PAMR1: variants seen among roughly 807,000 people sequenced by gnomAD.
PAMR1 encodes peptidase domain containing associated with muscle regeneration 1.
A neutral mutation model predicts 81.8 loss-of-function variants in PAMR1; 88 were observed. The observed-to-expected ratio is 1.08, with a 90% CI of 0.91 to 1.28. The LOEUF is 1.28. PAMR1 is among the 50% of genes most tolerant of loss of function. PAMR1 has a pLI of 0.00. For synonymous variants in PAMR1, 336 were observed against 345.3 expected (o/e 0.97, Z 0.30); for missense variants, 935 against 919.7 (o/e 1.02, Z -0.21).
chr11:35,465,244 C>T (rs1221974175), intron 6 of PAMR1, among the ~76,000 whole-genome samples: 3 of 152,138 alleles, frequency 2.0e-5, no homozygotes, highest in Non-Finnish European at 4.4e-5. Flanking sequence ...TTGCCCTCAT[C>T]AGATTTGGCA....
intron 10 of PAMR1, 42 bp from the exon 11 acceptor site, chr11:35,432,934 T>G: frequency 6.6e-7 from 1 of 1,506,340 alleles, no homozygotes; most frequent in Non-Finnish European, 8.9e-7. Context: ...AGGAGCCAGC[T>G]CCACAGTGGA....
At chr11:35,439,751 T>C (rs1374808507) in intron 7 of PAMR1, 58 bp from the exon 8 acceptor site, 1 of 1,454,980 alleles carries the variant, frequency 6.9e-7, no homozygotes, top group East Asian at 2.3e-5. Flanking sequence ...GTTCATATCA[T>C]TCAGTTCAGA....
chr11:35,447,742 G>A (rs1856328059), intron 6 of PAMR1, among the ~76,000 whole-genome samples: 1 of 152,114 alleles, frequency 6.6e-6, no homozygotes, highest in Non-Finnish European at 1.5e-5. Flanking sequence ...ATAGTGCCTT[G>A]GTCTGTCTAC....
chr11:35,447,149 C>A (rs1368310251), intron 6 of PAMR1, among the ~76,000 whole-genome samples: 2 of 151,530 alleles, frequency 1.3e-5, no homozygotes, highest in Middle Eastern at 3.2e-3. Context: ...ACTAGCATTG[C>A]AGCCCCTGCT....
At chr11:35,486,371 T>A (rs540368481) in intron 3 of PAMR1, among the ~76,000 whole-genome samples, 5 of 152,290 alleles carry the variant, frequency 3.3e-5, no homozygotes, top group Admixed American at 1.3e-4. Flanking sequence ...TTTTTAACTT[T>A]AAAAAAAATC....
intron 1 of PAMR1, among the ~76,000 whole-genome samples, chr11:35,500,948 G>A (rs1850823872): frequency 6.6e-6 from 1 of 152,112 alleles, no homozygotes; most frequent in African/African-American, 2.4e-5. Context: ...TGCAGGACTG[G>A]AAATTGCTCT....
chr11:35,464,912 T>C (rs1193187684), intron 6 of PAMR1, among the ~76,000 whole-genome samples: 1 of 152,206 alleles, frequency 6.6e-6, no homozygotes. Context: ...CAAGAGTCTG[T>C]ACATCGGAAT....
At chr11:35,436,639 TTC>T (rs1005205867) in intron 8 of PAMR1, among the ~76,000 whole-genome samples, 39 of 135,938 alleles carry the variant, frequency 2.9e-4, no homozygotes, top group Middle Eastern at 4.0e-3. Flanking sequence ...GTCTCTCTGT[TTC>T]TCTCTCTCTC....
At chr11:35,506,154 A>G (rs1850947989) in intron 1 of PAMR1, among the ~76,000 whole-genome samples, 1 of 151,362 alleles carries the variant, frequency 6.6e-6, no homozygotes, top group Non-Finnish European at 1.5e-5. Context: ...CAGCTTTTAA[A>G]AAATTCTACA....
chr11:35,521,387 A>G (rs1191657693), intron 1 of PAMR1, among the ~76,000 whole-genome samples: 2 of 152,118 alleles, frequency 1.3e-5, no homozygotes, highest in African/African-American at 4.8e-5. Flanking sequence ...TTCCTGTCCC[A>G]TCCCTCTCAG....
chr11:35,451,751 A>G (rs1214206702), intron 6 of PAMR1: 1 of 513,404 alleles, frequency 1.9e-6, no homozygotes, highest in Non-Finnish European at 3.5e-6. Flanking sequence ...GGCATTTGGG[A>G]GTAGATTAGT....
chr11:35,521,954 A>G lies in PAMR1; in HGVS notation c.73+3559T>C, dbSNP rs143322112. ...TGTTTTGTTTTGGAGACAGAGTCTC[A>G]CTCTGTCGCCCAAGCTGGAGTGCAG... On this transcript the variant is annotated intron_variant, in intron 1 of 10. Transcript: ENST00000619888. Among the ~76,000 whole-genome samples, 99 of 151,380 alleles carry G rather than the reference A, an allele frequency of 6.5e-4. No individual in the cohort carries two copies. The East Asian group carries it at 0.018, about 27-fold the overall frequency.
At chr11:35,527,137 C>T (rs1198941722), upstream of PAMR1, among the ~76,000 whole-genome samples, 2 of 152,122 alleles carry the variant, frequency 1.3e-5, no homozygotes, top group East Asian at 1.9e-4. Flanking sequence ...TGAACTCCAG[C>T]CCTGCTTCTG....
At chr11:35,493,615 C>T (rs1463019501) in intron 2 of PAMR1, among the ~76,000 whole-genome samples, 1 of 152,160 alleles carries the variant, frequency 6.6e-6, no homozygotes, top group Non-Finnish European at 1.5e-5. Flanking sequence ...GTCTGCTTCT[C>T]CCATCAGCAT....
intron 10 of PAMR1, among the ~76,000 whole-genome samples, chr11:35,433,734 G>A (rs952186959): frequency 2.3e-5 from 2 of 85,674 alleles, no homozygotes; most frequent in South Asian, 6.4e-4. Context: ...AGAGATGGAT[G>A]GATGGATGGA....
intron 1 of PAMR1, among the ~76,000 whole-genome samples, chr11:35,507,008 CTT>C (rs1337801186): frequency 1.1e-5 from 1 of 92,378 alleles, no homozygotes; most frequent in Non-Finnish European, 2.4e-5. Context: ...CCTTTTCTTT[CTT>C]TTTTCTCCTC....
intron 6 of PAMR1, among the ~76,000 whole-genome samples, chr11:35,466,852 A>G (rs1170335412): frequency 6.6e-6 from 1 of 152,090 alleles, no homozygotes; most frequent in Non-Finnish European, 1.5e-5. Flanking sequence ...TCTAGTTAGA[A>G]GTGACTGTAG....
chr11:35,449,585 C>G (rs191664885), intron 6 of PAMR1, among the ~76,000 whole-genome samples: 2 of 152,292 alleles, frequency 1.3e-5, no homozygotes, highest in Admixed American at 6.5e-5. Context: ...GGAAAATGGC[C>G]AACTGAAACC....
intron 3 of PAMR1, among the ~76,000 whole-genome samples, chr11:35,482,973 T>C (rs545230691): frequency 6.6e-6 from 1 of 152,370 alleles, no homozygotes; most frequent in East Asian, 1.9e-4. Flanking sequence ...AAAAGTTTCT[T>C]GTTTGAAAAT....
Sources: allele counts gnomAD v4.1 joint callset (sites outside exome capture counted in the v4.1 genomes callset), GRCh38; gene constraint gnomAD v4.1.1; transcripts MANE v1.5; gene names NCBI Gene and HGNC (gene_info 2026-07-23, HGNC 2026-07-21).